TTC6: variants seen among roughly 807,000 people sequenced by gnomAD.
TTC6 encodes tetratricopeptide repeat protein 6.
Under a neutral mutation model 210.4 loss-of-function variants are expected in TTC6, and 172 were observed. The observed-to-expected ratio is 0.82, with a 90% CI of 0.72 to 0.93. The LOEUF is 0.93. Among genes scored for constraint, TTC6 ranks in the 40% least tolerant of loss-of-function variants. The pLI, the probability that TTC6 is intolerant of heterozygous loss-of-function variation, is 0.00. For synonymous variants in TTC6, 804 were observed against 819.6 expected, an observed-to-expected ratio of 0.98 and a Z score of 0.32; for missense variants, 2,414 against 2,318.1, an observed-to-expected ratio of 1.04 and a Z score of -0.85.
chr14:37,628,560 T>C (rs2095664271), intron 1 of TTC6, among the ~76,000 whole-genome samples: 1 of 152,182 alleles, frequency 6.6e-6, no homozygotes, highest in Non-Finnish European at 1.5e-5. Flanking sequence ...ATAGGTTGCC[T>C]GTTCTTTCTG....
At chr14:37,766,307 C>G (rs978357437) in intron 14 of TTC6, among the ~76,000 whole-genome samples, 2 of 152,150 alleles carry the variant, frequency 1.3e-5, no homozygotes, top group African/African-American at 4.8e-5. Context: ...ATTATTTCAT[C>G]ACCAAGGTGA....
chr14:37,840,996 G>A (rs2096208800), intron 29 of TTC6, among the ~76,000 whole-genome samples: 1 of 151,964 alleles, frequency 6.6e-6, no homozygotes, highest in Non-Finnish European at 1.5e-5. Flanking sequence ...AGCCTCCTGA[G>A]TAGCTGGGAT....
chr14:37,614,668 G>A (rs976771059), intron 2 of TTC6, among the ~76,000 whole-genome samples: 72 of 149,902 alleles, frequency 4.8e-4, no homozygotes, highest in African/African-American at 1.7e-3. Flanking sequence ...ATCTGAATAT[G>A]TCTTTATTTT....
At chr14:37,653,294 G>A (rs563050305) in intron 1 of TTC6, among the ~76,000 whole-genome samples, 1 of 152,256 alleles carries the variant, frequency 6.6e-6, no homozygotes, top group East Asian at 1.9e-4. Context: ...TCATTTATTT[G>A]CGATGGATCC....
In TTC6 at chr14:37,811,432, G is replaced by A. The variant is rs1344391222; in HGVS notation, c.4570-882G>A. ...CACGCAACATTAGGAAACACCAGAG[G>A]AGGGCAAATGAGCAAATATAAAATG... On this transcript the variant is annotated intron_variant, in intron 24 of 30. Transcript: ENST00000553443. 3.3e-5 allele frequency among the ~76,000 whole-genome samples: 5 copies of A among 152,248 alleles called. No individual in the cohort carries two copies. In the East Asian group the frequency reaches 7.7e-4, roughly 23 times the overall value.
intron 4 of TTC6, among the ~76,000 whole-genome samples, chr14:37,698,664 A>G (rs2095819256): frequency 6.6e-6 from 1 of 151,976 alleles, no homozygotes; most frequent in Admixed American, 6.6e-5. Context: ...TTCATATCCT[A>G]TTTTTGTTAG....
At chr14:37,821,023 CTCTTCTTCTTCTTCT>C (rs10599374) in intron 26 of TTC6, among the ~76,000 whole-genome samples, 4 of 145,360 alleles carry the variant, frequency 2.8e-5, no homozygotes, top group South Asian at 2.2e-4. Context: ...CTTCTTCTTC[CTCTTCTTCTTCTTCT>C]TCTTCTTCTT....
intron 3 of TTC6, 169 bp from the exon 6 acceptor site, chr14:37,696,548 A>C (rs1037113090): frequency 4.3e-5 from 16 of 372,914 alleles, no homozygotes; most frequent in African/African-American, 2.3e-4. Flanking sequence ...ATATATGTAA[A>C]ATTTAGGAAT....
chr14:37,661,282 A>G (rs2095736832), intron 1 of TTC6, among the ~76,000 whole-genome samples: 1 of 152,124 alleles, frequency 6.6e-6, no homozygotes, highest in Non-Finnish European at 1.5e-5. Flanking sequence ...CCTGAATGGT[A>G]TTGCCTAGAT....
In TTC6 at chr14:37,622,257, G is replaced by C; in HGVS notation, c.193G>C (p.Val65Leu). 2.0e-6 allele frequency: 3 copies of C among 1,535,182 alleles called. No homozygotes were observed. In the South Asian group the frequency reaches 3.6e-5, roughly 18 times the overall value. ...CCCCGGCCCGGCCCGCCCCGCGCGC[G>C]TTTCCTGCGCCGCAGCCCGGACGTC... Residue 65 changes from valine to leucine, a missense_variant, in exon 1 of 31, where the codon GTT becomes CTT. Physicochemically the swap from Val to Leu is conservative, Grantham distance 32. Coordinates refer to ENST00000553443, the Ensembl canonical transcript of TTC6.
chr14:37,664,302 A>G (rs1380085938), intron 1 of TTC6, among the ~76,000 whole-genome samples: 1 of 150,566 alleles, frequency 6.6e-6, no homozygotes, highest in African/African-American at 2.4e-5. Context: ...ACAAGAACAG[A>G]CACATAGATG....
chr14:37,749,218 A>G, exon 11 of TTC6: 4 of 1,531,006 alleles, frequency 2.6e-6, no homozygotes, highest in Non-Finnish European at 3.5e-6. Context: ...CAAAACTAAA[A>G]TTAAATGATT....
At chr14:37,704,331 A>C (rs1205534779) in intron 5 of TTC6, among the ~76,000 whole-genome samples, 1 of 152,168 alleles carries the variant, frequency 6.6e-6, no homozygotes, top group Admixed American at 6.6e-5. Flanking sequence ...ATAGGATTAC[A>C]GATGTGATCC....
At chr14:37,621,369 GA>G (rs2095650782), upstream of TTC6, among the ~76,000 whole-genome samples, 1 of 152,206 alleles carries the variant, frequency 6.6e-6, no homozygotes, top group Non-Finnish European at 1.5e-5. Context: ...CAACACTTTG[GA>G]AGGCTGAGGT....
At chr14:37,772,378 C>A (rs1384538116) in intron 14 of TTC6, 2 of 166,214 alleles carry the variant, frequency 1.2e-5, no homozygotes, top group East Asian at 1.8e-4. Flanking sequence ...TAAGCCTGGG[C>A]AATGGTGGGC....
chr14:37,814,314 A>G (rs187625315), intron 25 of TTC6, among the ~76,000 whole-genome samples: 2 of 152,310 alleles, frequency 1.3e-5, no homozygotes, highest in East Asian at 3.9e-4. Flanking sequence ...CTATGCGTAC[A>G]GCACTCTTCC....
At chr14:37,628,155 G>A (rs2095663543) in intron 1 of TTC6, among the ~76,000 whole-genome samples, 1 of 152,100 alleles carries the variant, frequency 6.6e-6, no homozygotes, top group East Asian at 1.9e-4. Flanking sequence ...TTTTTATAGA[G>A]ACAGGATTTT....
chr14:37,698,187 A>G (rs1342621514), intron 4 of TTC6, among the ~76,000 whole-genome samples: 2 of 152,290 alleles, frequency 1.3e-5, no homozygotes, highest in East Asian at 3.9e-4. Context: ...AAAGTCTTTT[A>G]TTTACTGTTC....
intron 1 of TTC6, among the ~76,000 whole-genome samples, chr14:37,639,245 T>A (rs1327852554): frequency 6.6e-6 from 1 of 152,210 alleles, no homozygotes; most frequent in Non-Finnish European, 1.5e-5. Flanking sequence ...ATAAATCAAA[T>A]AACCTACCAG....
Sources: allele counts gnomAD v4.1 joint callset (sites outside exome capture counted in the v4.1 genomes callset), GRCh38; gene constraint gnomAD v4.1.1; transcripts MANE v1.5; gene names NCBI Gene and HGNC (gene_info 2026-07-23, HGNC 2026-07-21).